CNTN4: variants seen among roughly 807,000 people sequenced by gnomAD.
CNTN4 encodes the protein contactin 4.
Under a neutral mutation model 122.5 loss-of-function variants are expected in CNTN4, and 77 were observed. The observed-to-expected ratio is 0.63, with a 90% CI of 0.52 to 0.76. CNTN4 has a LOEUF of 0.76. Ranked by LOEUF, CNTN4 falls within the 30% of genes least tolerant of loss-of-function variation. CNTN4 has a pLI of 0.00. For synonymous variants in CNTN4, 512 were observed against 447.0 expected, an observed-to-expected ratio of 1.15 and a Z score of -1.83; for missense variants, 1,256 against 1,259.1, an observed-to-expected ratio of 1.00 and a Z score of 0.04.
intron 3 of CNTN4, among the ~76,000 whole-genome samples, chr3:2,480,294 T>C (rs1047579885): frequency 6.6e-6 from 1 of 151,950 alleles, no homozygotes. Flanking sequence ...AAAGTAAAAG[T>C]ATACAGATTG....
At chr3:2,277,616 C>T (rs2041564361) in intron 2 of CNTN4, among the ~76,000 whole-genome samples, 1 of 152,316 alleles carries the variant, frequency 6.6e-6, no homozygotes, top group East Asian at 1.9e-4. Flanking sequence ...ACGTGAAACA[C>T]ATATATGCAT....
chr3:2,943,396 C>T (rs1471117597), intron 13 of CNTN4, among the ~76,000 whole-genome samples: 1 of 152,024 alleles, frequency 6.6e-6, no homozygotes, highest in Non-Finnish European at 1.5e-5. Context: ...CAGGACTTTA[C>T]TTCTAGTTCC....
In CNTN4 at chr3:2,830,605, G is replaced by A. The variant is rs1341126672; in HGVS notation, c.454+11024G>A. ...TACACATCCAGGAGAGTGCTACCAG[G>A]GATGTACTAGCCAGAAGAGAACAAA... is the stretch of plus-strand genomic sequence containing the variant. On this transcript the variant is annotated intron_variant, in intron 7 of 24. Coordinates refer to ENST00000418658, the MANE Select transcript of CNTN4 (RefSeq NM_175607.3). Among the ~76,000 whole-genome samples the A allele has an allele frequency of 2.0e-5, 3 of 152,158 alleles. No homozygotes were observed. In the East Asian group the frequency reaches 5.8e-4, roughly 29 times the overall value.
intron 4 of CNTN4, among the ~76,000 whole-genome samples, chr3:2,593,836 C>T (rs1050653078): frequency 6.6e-6 from 1 of 152,152 alleles, no homozygotes; most frequent in African/African-American, 2.4e-5. Flanking sequence ...TCATTACCAT[C>T]ACCATCTGAA....
At chr3:2,609,388 T>C (rs2081388895) in intron 4 of CNTN4, among the ~76,000 whole-genome samples, 1 of 152,180 alleles carries the variant, frequency 6.6e-6, no homozygotes, top group African/African-American at 2.4e-5. Flanking sequence ...ACCTCAAATT[T>C]GCCGGCACCT....
At position 2,479,807 on chromosome 3, in the gene CNTN4, C is replaced by T. The variant is rs138776830; in HGVS notation, c.-88-91609C>T. Among the ~76,000 whole-genome samples, 10 of 152,226 alleles carry T rather than the reference C, an allele frequency of 6.6e-5. No homozygotes were observed. The East Asian group carries it at 1.7e-3, about 26-fold the overall frequency. On this transcript the variant is annotated intron_variant, in intron 3 of 24. Coordinates refer to ENST00000418658, the MANE Select transcript of CNTN4 (RefSeq NM_175607.3). Reference sequence around the variant, plus strand: ...TCACACTACCAAAATTAGACAAACACATTACAAGAAAATAAAACTACAAAC... The same window carrying T: ...TCACACTACCAAAATTAGACAAACATATTACAAGAAAATAAAACTACAAAC...
Position 2,880,340 on chromosome 3 carries a change from A to G in CNTN4, c.653-2805A>G, listed in dbSNP as rs570799713. ...CAGGCTGTCTTGATTTCCTGGGAAG[A>G]CGAAAGACCTCCTTCTCTCAAGGCA... On this transcript the variant is annotated intron_variant, in intron 8 of 24. Coordinates refer to ENST00000418658, the MANE Select transcript of CNTN4 (RefSeq NM_175607.3). 8.5e-4 allele frequency among the ~76,000 whole-genome samples: 129 copies of G among 152,346 alleles called. No individual in the cohort carries two copies. In the Middle Eastern group the frequency reaches 0.017, roughly 20 times the overall value.
intron 4 of CNTN4, among the ~76,000 whole-genome samples, chr3:2,573,406 C>T (rs1035226519): frequency 1.3e-5 from 2 of 152,126 alleles, no homozygotes; most frequent in Non-Finnish European, 1.5e-5. Context: ...TTCCTCCCAG[C>T]AGTATGCCCA....
At chr3:2,126,013 G>A (rs961722668) in intron 2 of CNTN4, among the ~76,000 whole-genome samples, 45 of 151,882 alleles carry the variant, frequency 3.0e-4, no homozygotes, top group African/African-American at 1.1e-3. Flanking sequence ...AGCACTAATT[G>A]TCACTCTGTT....
At position 3,043,165 on chromosome 3, in the gene CNTN4, T is replaced by G. The variant is rs778202711; in HGVS notation, c.2698+2T>G. 2.5e-6 allele frequency: 4 copies of G among 1,614,076 alleles called. No individual in the cohort carries two copies. Among genetic ancestry groups the G allele is most frequent in the Non-Finnish European group, 3.4e-6 (4 of 1,179,982 alleles). On this transcript the variant is annotated splice_donor_variant, in intron 22 of 24. Transcript: ENST00000418658. LOFTEE classifies it high-confidence loss of function. ...TCAATGTGACAACCCGAAAGCCACGTAAGAACAGACTTGCTCAGAAATATT... is the reference window on the plus strand; with the variant it reads ...TCAATGTGACAACCCGAAAGCCACGGAAGAACAGACTTGCTCAGAAATATT...
At chr3:2,312,397 A>G (rs1350291056) in intron 2 of CNTN4, among the ~76,000 whole-genome samples, 1 of 152,132 alleles carries the variant, frequency 6.6e-6, no homozygotes, top group Non-Finnish European at 1.5e-5. Flanking sequence ...ATACAGCATA[A>G]AAGTCAAGTA....
At chr3:2,789,155 G>A (rs62232892) in intron 6 of CNTN4, among the ~76,000 whole-genome samples, 7,325 of 152,186 alleles carry the variant, frequency 0.048, 238 homozygotes, top group Non-Finnish European at 0.07. Context: ...AATAAGCATA[G>A]CAAATGAAAT....
rs1035550110 is a variant in CNTN4, at chr3:2,190,570, A to G, written c.-145+89931A>G. 5.3e-5 allele frequency among the ~76,000 whole-genome samples: 8 copies of G among 151,412 alleles called. 1 individual carries two copies. The highest frequency in any genetic ancestry group is 1.9e-4 in the African/African-American group (8 of 41,168). ...ACTGGGTACCAAACATGAATACTCTAGTCTACAGTTCCAGGCCAGCATCTC... is the reference window on the plus strand; with the variant it reads ...ACTGGGTACCAAACATGAATACTCTGGTCTACAGTTCCAGGCCAGCATCTC... On this transcript the variant is annotated intron_variant, in intron 2 of 24. Transcript: ENST00000418658.
At chr3:2,943,848 T>C (rs1449346198) in intron 13 of CNTN4, among the ~76,000 whole-genome samples, 1 of 151,572 alleles carries the variant, frequency 6.6e-6, no homozygotes, top group East Asian at 1.9e-4. Flanking sequence ...GGTCTCGATC[T>C]CCTGACCTCG....
intron 2 of CNTN4, among the ~76,000 whole-genome samples, chr3:2,280,644 A>G (rs755060060): frequency 3.3e-5 from 5 of 152,210 alleles, no homozygotes; most frequent in Non-Finnish European, 5.9e-5. Context: ...GAACACAGCA[A>G]AATACCACAA....
At chr3:2,185,885 C>T (rs2037229356) in intron 2 of CNTN4, among the ~76,000 whole-genome samples, 1 of 151,750 alleles carries the variant, frequency 6.6e-6, no homozygotes, top group South Asian at 2.1e-4. Context: ...TATAACATAT[C>T]CTTGGAACCA....
chr3:2,349,996 C>T (rs1340904959), intron 3 of CNTN4, among the ~76,000 whole-genome samples: 1 of 152,108 alleles, frequency 6.6e-6, no homozygotes, highest in Non-Finnish European at 1.5e-5. Context: ...AGACTTAGAG[C>T]AATCCACCCT....
At chr3:2,370,344 A>T (rs2045585340) in intron 3 of CNTN4, among the ~76,000 whole-genome samples, 1 of 152,240 alleles carries the variant, frequency 6.6e-6, no homozygotes, top group Non-Finnish European at 1.5e-5. Flanking sequence ...GAAATGTTTT[A>T]TAACTGTCAT....
In CNTN4 at chr3:2,947,584, C is replaced by T. The variant is rs543620757; in HGVS notation, c.1358+21805C>T. 1.1e-4 allele frequency among the ~76,000 whole-genome samples: 16 copies of T among 152,310 alleles called. No individual in the cohort carries two copies. The South Asian group carries it at 3.3e-3, about 32-fold the overall frequency. On this transcript the variant is annotated intron_variant, in intron 13 of 24. Transcript: ENST00000418658. The stretch of plus-strand genomic sequence containing the variant: ...GTGGAAACTCTGTGTTTTCTCTTCC[C>T]TGGAGATTGTACTAATCTACTCTTG...
Sources: gnomAD v4.1 joint callset for allele counts (sites outside exome capture counted in the v4.1 genomes callset) on GRCh38, gnomAD v4.1.1 for gene constraint, MANE v1.5 for transcripts, NCBI Gene and HGNC (gene_info 2026-07-23, HGNC 2026-07-21) for gene names.